GLI2: variants seen among roughly 807,000 people sequenced by gnomAD.
GLI2 encodes transcription activator GLI2.
GLI2 carries 22 observed loss-of-function variants against 78.9 expected under a neutral mutation model. That is an observed-to-expected ratio of 0.28 (90% CI 0.20 to 0.40). The LOEUF is 0.40. GLI2 is among the 10% of genes least tolerant of loss of function. The pLI is 1.00. For missense variants in GLI2, 2,097 were observed against 2,213.2 expected, an observed-to-expected ratio of 0.95 and a Z score of 1.05; for synonymous variants, 974 against 963.7, an observed-to-expected ratio of 1.01 and a Z score of -0.20.
intron 2 of GLI2, among the ~76,000 whole-genome samples, chr2:120,876,007 A>T (rs1463507555): frequency 1.3e-5 from 2 of 152,200 alleles, no homozygotes; most frequent in Admixed American, 1.3e-4. Context: ...ACAATTGGTT[A>T]TGGAGGGGAA....
chr2:120,946,205 T>C (rs1484314028), intron 3 of GLI2, among the ~76,000 whole-genome samples: 1 of 152,114 alleles, frequency 6.6e-6, no homozygotes, highest in African/African-American at 2.4e-5. Context: ...GTCTGCCTCT[T>C]TCCCCCTGGG....
chr2:120,891,022 G>T (rs146598135), intron 2 of GLI2, among the ~76,000 whole-genome samples: 17 of 152,308 alleles, frequency 1.1e-4, no homozygotes, highest in Middle Eastern at 3.4e-3. Context: ...TCATTCATCA[G>T]TCCATTTGTC....
intron 7 of GLI2, among the ~76,000 whole-genome samples, chr2:120,970,944 G>A (rs555415780): frequency 6.6e-5 from 10 of 152,322 alleles, no homozygotes; most frequent in Admixed American, 6.5e-5. Flanking sequence ...GTGCAGTTTC[G>A]TTGTAGAATG....
intron 2 of GLI2, among the ~76,000 whole-genome samples, chr2:120,926,898 G>C (rs923017900): frequency 2.0e-5 from 3 of 152,234 alleles, no homozygotes; most frequent in African/African-American, 7.2e-5. Context: ...CACCGTCTGT[G>C]GGCCGTGCCA....
At chr2:120,943,280 T>C (rs1472946801) in intron 3 of GLI2, among the ~76,000 whole-genome samples, 2 of 151,788 alleles carry the variant, frequency 1.3e-5, no homozygotes, top group Non-Finnish European at 2.9e-5. Context: ...AGGAGTTAAC[T>C]GGGGGAAGGG....
chr2:120,781,029 C>G (rs911907020), intron 1 of GLI2, among the ~76,000 whole-genome samples: 22 of 152,174 alleles, frequency 1.4e-4, no homozygotes, highest in African/African-American at 4.6e-4. Flanking sequence ...GCTCCCATAT[C>G]TCTTCCACTC....
chr2:120,991,043 G>A lies in GLI2; in HGVS notation c.*368G>A. On this transcript the variant is annotated 3_prime_UTR_variant, in exon 14 of 14. Transcript: ENST00000361492. ...CCTTTCAAAGGATATGCAGAAAGATGGTAGGGAGCATTTGGGTTTGAATCT... is the reference window on the plus strand; with the variant it reads ...CCTTTCAAAGGATATGCAGAAAGATAGTAGGGAGCATTTGGGTTTGAATCT... The A allele has an allele frequency of 4.5e-6, 1 of 223,168 alleles. No individual in the cohort carries two copies. The highest frequency in any genetic ancestry group is 1.7e-3 in the Middle Eastern group (1 of 574). The allele number at this position is 223,168 out of a possible 1,614,324, so 13.8% of individuals were successfully genotyped here.
At chr2:120,987,511 G>A (rs1216646733) in intron 13 of GLI2, among the ~76,000 whole-genome samples, 1 of 152,192 alleles carries the variant, frequency 6.6e-6, no homozygotes, top group African/African-American at 2.4e-5. Flanking sequence ...AAGAGCCATT[G>A]GGGGTCCTGG....
intron 1 of GLI2, among the ~76,000 whole-genome samples, chr2:120,776,070 C>T (rs2104663864): frequency 6.6e-6 from 1 of 152,354 alleles, no homozygotes; most frequent in East Asian, 1.9e-4. Context: ...GAACTGGATG[C>T]TGTTTTTCCA....
intron 2 of GLI2, among the ~76,000 whole-genome samples, chr2:120,806,183 G>T (rs923444920): frequency 6.6e-6 from 1 of 152,114 alleles, no homozygotes; most frequent in Non-Finnish European, 1.5e-5. Context: ...TTTATTTTAT[G>T]TTTGTGGCCA....
At chr2:120,901,318 A>G (rs1286357526) in intron 2 of GLI2, among the ~76,000 whole-genome samples, 1 of 152,234 alleles carries the variant, frequency 6.6e-6, no homozygotes, top group African/African-American at 2.4e-5. Context: ...GTGTCAGGAT[A>G]CAATTGGGTT....
At chr2:120,755,990 GT>G (rs1683024463) in intron 1 of GLI2, among the ~76,000 whole-genome samples, 1 of 152,144 alleles carries the variant, frequency 6.6e-6, no homozygotes, top group African/African-American at 2.4e-5. Context: ...TTTATAACAA[GT>G]CTTGAAGTCA....
intron 2 of GLI2, among the ~76,000 whole-genome samples, chr2:120,838,677 T>C (rs567913472): frequency 1.3e-5 from 2 of 152,360 alleles, no homozygotes; most frequent in South Asian, 2.1e-4. Context: ...AACAATATTT[T>C]GGACAATCAT....
chr2:120,902,185 A>C (rs1332569677), intron 2 of GLI2, among the ~76,000 whole-genome samples: 554 of 115,694 alleles, frequency 4.8e-3, no homozygotes, highest in South Asian at 8.2e-3. Flanking sequence ...ATTGACACCC[A>C]CCCCCCCCCA....
intron 2 of GLI2, among the ~76,000 whole-genome samples, chr2:120,909,788 C>A (rs1246607510): frequency 1.3e-5 from 2 of 152,162 alleles, no homozygotes; most frequent in African/African-American, 4.8e-5. Context: ...TGGCATGAAC[C>A]CGGGAGGCGG....
At chr2:120,773,178 T>C (rs972750224) in intron 1 of GLI2, among the ~76,000 whole-genome samples, 2 of 152,152 alleles carry the variant, frequency 1.3e-5, no homozygotes, top group African/African-American at 4.8e-5. Context: ...GCTCGAAGTG[T>C]AACAAGTGGG....
Position 120,986,362 on chromosome 2 carries a change from G to A in GLI2, c.1990G>A (p.Val664Met), listed in dbSNP as rs551617843. The A allele has an allele frequency of 2.6e-5, 42 of 1,613,650 alleles. No homozygotes were observed. In the Admixed American group the frequency reaches 2.8e-4, roughly 11 times the overall value. The change falls in exon 13 of 14, where the codon GTG becomes ATG. Residue 664 changes from valine (V) to methionine (M), a missense_variant. Transcript: ENST00000361492. ...LGSAPNNDSG[V>M]EMPGTGPGSL... The stretch of plus-strand genomic sequence containing the variant: ...CAGTGCCCCCAACAATGACAGTGGC[G>A]TGGAGATGCCGGGGACGGGGCCCGG...
chr2:120,741,237 G>T (rs1049761136), intron 1 of GLI2, among the ~76,000 whole-genome samples: 2 of 152,090 alleles, frequency 1.3e-5, no homozygotes, highest in African/African-American at 4.8e-5. Context: ...TTGCTGACTC[G>T]GCTGGGTTTG....
chr2:120,840,783 G>A (rs376749806), intron 2 of GLI2, among the ~76,000 whole-genome samples: 122 of 152,296 alleles, frequency 8.0e-4, no homozygotes, highest in African/African-American at 2.7e-3. Context: ...GAGATGCAGC[G>A]ATCCCATGGC....
Sources: gnomAD v4.1 joint callset for allele counts (sites outside exome capture counted in the v4.1 genomes callset) on GRCh38, gnomAD v4.1.1 for gene constraint, MANE v1.5 for transcripts, NCBI Gene and HGNC (gene_info 2026-07-23, HGNC 2026-07-21) for gene names.